NOC2L: variants seen among roughly 807,000 people sequenced by gnomAD.
NOC2L encodes nucleolar complex protein 2 homolog.
Under a neutral mutation model 94.2 loss-of-function variants are expected in NOC2L, and 101 were observed. The observed-to-expected ratio is 1.07, with a 90% confidence interval of 0.91 to 1.26. The LOEUF (loss-of-function observed/expected upper bound fraction) is 1.26, where lower values mean the gene tolerates loss of function less well. NOC2L is among the 50% of genes most tolerant of loss of function. The pLI is 0.00. For missense variants in NOC2L, 1,076 were observed against 980.1 expected (o/e 1.10, Z -1.31); for synonymous variants, 531 against 413.4 (o/e 1.28, Z -3.45).
At position 957,092 on chromosome 1, in the gene NOC2L, C is replaced by T; in HGVS notation, c.354+7G>A. ...TGCCCCCCTTCTGGTTTGGCCCACG[C>T]CCTCACCTCCAGCACATCTGGCAGG... is the stretch of plus-strand genomic sequence containing the variant. On this transcript the variant is annotated splice_region_variant and intron_variant, in intron 3 of 18. Transcript: ENST00000327044. 6.2e-7 allele frequency: 1 copy of T among 1,614,040 alleles called. No homozygotes were observed.
intron 6 of NOC2L, 117 bp from the exon 7 acceptor site, chr1:954,199 C>T (rs758721269): frequency 7.8e-6 from 7 of 902,086 alleles, no homozygotes; most frequent in African/African-American, 1.7e-5. Context: ...AGAGACCCCC[C>T]GTCTCTCCAC....
Position 957,814 on chromosome 1 carries a change from G to C in NOC2L, c.180-541C>G, listed in dbSNP as rs144137219. 3.9e-3 allele frequency: 620 copies of C among 159,834 alleles called. 5 individuals are homozygous for C. The highest frequency in any genetic ancestry group is 0.01 in the Middle Eastern group (3 of 296). 9.9% of individuals were successfully genotyped at this position (159,834 alleles called of 1,614,324 possible). ...ACCCAGAAGTAACTCCCTGTTTTAC[G>C]AGGCAATCTTATGACGGTCTACGGC... On this transcript the variant is annotated intron_variant, in intron 2 of 18. Coordinates refer to ENST00000327044, the MANE Select transcript of NOC2L (RefSeq NM_015658.4).
chr1:958,907 G>A (rs1413949512), intron 2 of NOC2L, 22 bp downstream of exon 2: 1 of 1,612,354 alleles, frequency 6.2e-7, no homozygotes, highest in Admixed American at 1.7e-5. Flanking sequence ...AAGAGGTTCT[G>A]CTCACGCATG....
intron 1 of NOC2L, 43 bp downstream of exon 1, chr1:959,172 C>CA: frequency 6.2e-7 from 1 of 1,611,884 alleles, no homozygotes; most frequent in Non-Finnish European, 8.5e-7. Context: ...TGGATACAGA[C>CA]ACCCACCGGG....
chr1:950,685 A>G (rs973573441), intron 12 of NOC2L, among the ~76,000 whole-genome samples: 2 of 151,872 alleles, frequency 1.3e-5, no homozygotes, highest in African/African-American at 2.4e-5. Flanking sequence ...TTACAGACCC[A>G]TGCACCCAGA....
chr1:958,729 G>A (rs1176850732), intron 2 of NOC2L, 200 bp downstream of exon 2: 4 of 711,718 alleles, frequency 5.6e-6, no homozygotes, highest in African/African-American at 3.5e-5. Flanking sequence ...ACCAACATAC[G>A]CTCCCTGCCT....
intron 14 of NOC2L, 121 bp from the exon 15 acceptor site, chr1:946,666 C>T: frequency 8.2e-7 from 1 of 1,217,114 alleles, no homozygotes; most frequent in Non-Finnish European, 1.2e-6. Context: ...GACATGGATC[C>T]CATCTCAGGG....
chr1:951,120 C>T lies in NOC2L; in HGVS notation c.1443+7G>A, dbSNP rs1443968583. On this transcript the variant is annotated splice_region_variant and intron_variant, in intron 12 of 18. Coordinates refer to ENST00000327044, the MANE Select transcript of NOC2L (RefSeq NM_015658.4). ...AGGTGCCACACGCCCACCACAGCCT[C>T]ACTCACCTCCAGGATGAAAGGCAGC... is the stretch of plus-strand genomic sequence containing the variant. 5 of 1,565,122 alleles carry T rather than the reference C, an allele frequency of 3.2e-6. No individual in the cohort carries two copies. Among genetic ancestry groups the T allele is most frequent in the Non-Finnish European group, 3.5e-6 (4 of 1,153,182 alleles).
At chr1:957,490 G>A in intron 2 of NOC2L, 2 of 570,168 alleles carry the variant, frequency 3.5e-6, no homozygotes, top group South Asian at 2.1e-5. Flanking sequence ...GGTCTTCCCT[G>A]GACTTGCTGT....
chr1:949,818 G>T (rs1011704813), intron 12 of NOC2L, among the ~76,000 whole-genome samples: 1 of 152,204 alleles, frequency 6.6e-6, no homozygotes, highest in Non-Finnish European at 1.5e-5. Flanking sequence ...CAGCATCCCT[G>T]CCTCAGTGGA....
In NOC2L at chr1:952,073, TC is replaced by T. The variant is rs1384621118; in HGVS notation, c.1257del (p.Ser420AlafsTer43). 1 of 1,613,536 alleles carries T rather than the reference TC, an allele frequency of 6.2e-7. No individual in the cohort carries two copies. Among genetic ancestry groups the T allele is most frequent in the African/African-American group, 1.3e-5 (1 of 74,902 alleles). On this transcript the variant is annotated frameshift_variant, in exon 11 of 19. Transcript: ENST00000327044. LOFTEE classifies it high-confidence loss of function. ...AGGGCTTCGCTGGGGCCCGCAGTGC[TC>T]AGGACCCGGCACCACAGGAAGAGGC... ...VHCLFLWCRV[L>X]STAGPSEALQ...
intron 12 of NOC2L, 146 bp downstream of exon 12, chr1:950,981 G>A (rs946653270): frequency 7.9e-5 from 54 of 681,042 alleles, no homozygotes; most frequent in South Asian, 4.2e-4. Flanking sequence ...AGCACACGGA[G>A]GAGCACTGTC....
At chr1:945,457 G>A (rs1642078150) in intron 17 of NOC2L, 61 bp downstream of exon 17, 26 of 1,595,704 alleles carry the variant, frequency 1.6e-5, no homozygotes, top group Non-Finnish European at 2.1e-5. Flanking sequence ...TCGTGGCTCT[G>A]GGAAGTCCAG....
rs762701037 is a variant in NOC2L, at chr1:952,097, G to A, written c.1234C>T (p.Leu412Phe). 6 of 1,613,614 alleles carry A rather than the reference G, an allele frequency of 3.7e-6. No individual in the cohort carries two copies. Among genetic ancestry groups the A allele is most frequent in the East Asian group, 4.5e-5 (2 of 44,902 alleles). Residue 412 changes from leucine (L) to phenylalanine (F), a missense_variant, in exon 11 of 19, where the codon CTC becomes TTC. Transcript: ENST00000327044. The stretch of plus-strand genomic sequence containing the variant: ...CTCAGGACCCGGCACCACAGGAAGA[G>A]GCAGTGCACATACTGCCAGTTGTAC... Reference protein sequence around the residue: ...SVYNWQYVHCLFLWCRVLSTA... With the variant: ...SVYNWQYVHCFFLWCRVLSTA...
intron 16 of NOC2L, 141 bp from the exon 17 acceptor site, chr1:945,794 T>C: frequency 9.4e-7 from 1 of 1,068,854 alleles, no homozygotes; most frequent in Non-Finnish European, 1.4e-6. Flanking sequence ...CACAAAGCCA[T>C]CCTCCAAGTT....
At position 945,510 on chromosome 1, in the gene NOC2L, G is replaced by C; in HGVS notation, c.2053+8C>G. The stretch of plus-strand genomic sequence containing the variant: ...ACCCTTCCCCTGGGAGCACCACGCA[G>C]GCCCCACCTCTCTCCGAGAATCCCT... On this transcript the variant is annotated splice_region_variant and intron_variant, in intron 17 of 18. Coordinates refer to ENST00000327044, the MANE Select transcript of NOC2L (RefSeq NM_015658.4). 6.2e-7 allele frequency: 1 copy of C among 1,613,382 alleles called. No individual in the cohort carries two copies. The highest frequency in any genetic ancestry group is 8.5e-7 in the Non-Finnish European group (1 of 1,179,760).
chr1:952,741 A>G, intron 9 of NOC2L, 141 bp from the exon 10 acceptor site: 1 of 797,866 alleles, frequency 1.3e-6, no homozygotes, highest in East Asian at 2.7e-5. Context: ...CACAGCCCCC[A>G]CCCCCAAGTG....
intron 12 of NOC2L, among the ~76,000 whole-genome samples, 161 bp from the exon 13 acceptor site, chr1:948,764 CAA>C (rs1331282652): frequency 1.3e-5 from 2 of 152,264 alleles, no homozygotes; most frequent in African/African-American, 2.4e-5. Context: ...CAACCCGAAA[CAA>C]GAGATAAGCA....
In NOC2L at chr1:948,535, C is replaced by T; in HGVS notation, c.1512G>A (p.Val504=). ...GGTTGACATTGGACAGCTTCAGGAT[C>T]ACGGAGAAGTTGATGGGCTTGGAGC... ...RMSSKPINFS[V]ILKLSNVNLQ... is the part of the protein sequence containing the mutation. The change falls in exon 13 of 19, where the codon GTG becomes GTA. Residue 504 remains valine (V), a synonymous_variant. Transcript: ENST00000327044. 6.2e-7 allele frequency: 1 copy of T among 1,613,694 alleles called. No individual in the cohort carries two copies. The highest frequency in any genetic ancestry group is 8.5e-7 in the Non-Finnish European group (1 of 1,179,972).
Sources: allele counts gnomAD v4.1 joint callset (sites outside exome capture counted in the v4.1 genomes callset), GRCh38; gene constraint gnomAD v4.1.1; transcripts MANE v1.5; gene names NCBI Gene and HGNC (gene_info 2026-07-23, HGNC 2026-07-21).